The following COL16A1 variants were observed in gnomAD, a reference collection of about 807,000 sequenced individuals.
COL16A1 encodes collagen type XVI alpha 1 chain.
Under a neutral mutation model 266.3 loss-of-function variants are expected in COL16A1, and 189 were observed. The ratio of observed to expected loss-of-function variants is 0.71; its 90% CI spans 0.63 to 0.80. The LOEUF is 0.80. Among genes scored for constraint, COL16A1 ranks in the 30% least tolerant of loss-of-function variants. The pLI is 0.00. For missense variants in COL16A1, 1,928 were observed against 2,122.4 expected (o/e 0.91, Z 1.80); for synonymous variants, 740 against 782.3 (o/e 0.95, Z 0.90).
rs1262169105 is a variant in COL16A1, at chr1:31,664,995, G to A, written c.3555+177C>T. 6.6e-6 allele frequency among the ~76,000 whole-genome samples: 1 copy of A among 152,214 alleles called. No homozygotes were observed. Among genetic ancestry groups the A allele is most frequent in the African/African-American group, 2.4e-5 (1 of 41,454 alleles). ...ATCCCGAGGAGCCCACTGGTCCACT[G>A]CAAGCCCTGTCGGCCTCCAGTAGTC... On this transcript the variant is annotated intron_variant, in intron 56 of 70. Transcript: ENST00000373672. This position sits in a 1 kb window ranked among gnomAD's most constrained non-coding sequence, Gnocchi z 5.5.
In COL16A1 at chr1:31,682,980, G is replaced by C; in HGVS notation, c.2492C>G (p.Ala831Gly). 1 of 1,614,020 alleles carries C rather than the reference G, an allele frequency of 6.2e-7. No individual in the cohort carries two copies. The highest frequency in any genetic ancestry group is 1.3e-5 in the African/African-American group (1 of 75,034). The change falls in exon 37 of 71, where the codon GCC becomes GGC. Residue 831 changes from alanine to glycine, a missense_variant. By Grantham distance (60) the Ala-to-Gly change is moderately conservative. This residue lies in a region of COL16A1 where 1,552 missense variants were observed against 1,637.2 expected (regional missense o/e 0.95). Coordinates refer to ENST00000373672, the MANE Select transcript of COL16A1 (RefSeq NM_001856.4). ...CCCAGGAGGTCCCACAGGTCCGGTG[G>C]CTCCTTTCACCCCTGGAGATCCCTG... ...GAQGSPGVKG[A>G]TGPVGPPGAS...
rs369750765 is a variant in COL16A1, at chr1:31,688,799, G to T, written c.1767+62C>A. 4.6e-5 allele frequency: 70 copies of T among 1,508,082 alleles called. 1 individual carries two copies. The African/African-American group carries it at 6.6e-4, about 14-fold the overall frequency. 93.4% of individuals were successfully genotyped at this position (1,508,082 alleles called of 1,614,324 possible). On this transcript the variant is annotated intron_variant, in intron 25 of 70. Coordinates refer to ENST00000373672, the MANE Select transcript of COL16A1 (RefSeq NM_001856.4). This position sits in a 1 kb window ranked among gnomAD's most constrained non-coding sequence, Gnocchi z 4.9. ...GAGACTTGGGATCTGAAAAGCCAGG[G>T]AGATCAACAGTATGGCAAGGATGGC...
intron 8 of COL16A1, among the ~76,000 whole-genome samples, 168 bp from the exon 9 acceptor site, chr1:31,696,309 C>A (rs1220489381): frequency 6.6e-6 from 1 of 151,886 alleles, no homozygotes; most frequent in Non-Finnish European, 1.5e-5. Flanking sequence ...GCTGCCCCAA[C>A]AGGTCCCCCT....
At position 31,698,538 on chromosome 1, in the gene COL16A1, G is replaced by T. The variant is rs371283383; in HGVS notation, c.335C>A (p.Thr112Asn). The T allele has an allele frequency of 3.7e-6, 6 of 1,614,022 alleles. No homozygotes were observed. The highest frequency in any genetic ancestry group is 5.1e-6 in the Non-Finnish European group (6 of 1,180,038). Reference protein sequence around the residue: ...LVLTLLLKKHTHQKTWYLFQV... With the variant: ...LVLTLLLKKHNHQKTWYLFQV... ...AAACAGATACCACGTCTTCTGGTGGGTGTGTTTCTTCAGCAGTAGTGTCAG... is the reference window on the plus strand; with the variant it reads ...AAACAGATACCACGTCTTCTGGTGGTTGTGTTTCTTCAGCAGTAGTGTCAG... The change falls in exon 5 of 71, where the codon ACC becomes AAC. Residue 112 changes from threonine (T) to asparagine (N), a missense_variant. Thr to Asn is a moderately conservative substitution (Grantham distance 65). Coordinates refer to ENST00000373672, the MANE Select transcript of COL16A1 (RefSeq NM_001856.4). The surrounding 1 kb of genome is among the most constrained non-coding windows in gnomAD (Gnocchi z 4.1).
chr1:31,661,484 A>C (rs757018311), intron 59 of COL16A1, 26 bp from the exon 60 acceptor site: 3 of 1,614,190 alleles, frequency 1.9e-6, no homozygotes, highest in Non-Finnish European at 2.5e-6. Flanking sequence ...GGGAGTTCTC[A>C]TGTCCCTCAT....
chr1:31,681,196 C>T, intron 37 of COL16A1, 129 bp from the exon 38 acceptor site: 1 of 1,324,236 alleles, frequency 7.6e-7, no homozygotes, highest in African/African-American at 1.5e-5. Flanking sequence ...GGCCGAGGGC[C>T]CACGTTCCAG....
intron 64 of COL16A1, 109 bp downstream of exon 64, chr1:31,658,379 G>A (rs1641349735): frequency 4.2e-6 from 4 of 958,054 alleles, no homozygotes; most frequent in African/African-American, 1.7e-5. Flanking sequence ...CTGCCATGCT[G>A]ACAGCCTCTC....
intron 61 of COL16A1, 142 bp from the exon 62 acceptor site, chr1:31,660,780 C>T: frequency 2.3e-6 from 3 of 1,289,798 alleles, no homozygotes; most frequent in Non-Finnish European, 3.2e-6. Context: ...CCTCCAGACC[C>T]AAGTTTCCCG....
intron 42 of COL16A1, among the ~76,000 whole-genome samples, chr1:31,678,269 G>A (rs1167781020): frequency 6.6e-6 from 1 of 152,190 alleles, no homozygotes; most frequent in Non-Finnish European, 1.5e-5. Context: ...AAGCTTCCAT[G>A]TGATGCTGCC....
At chr1:31,686,477 C>T in intron 26 of COL16A1, 198 bp from the exon 27 acceptor site, 1 of 746,586 alleles carries the variant, frequency 1.3e-6, no homozygotes, top group Non-Finnish European at 2.3e-6. Flanking sequence ...TTTCTGCCCC[C>T]AGCTTCACCT....
rs1642517299 is a variant in COL16A1, at chr1:31,670,072, A to C, written c.3195+530T>G. On this transcript the variant is annotated intron_variant, in intron 49 of 70. Transcript: ENST00000373672. The surrounding 1 kb of genome is among the most constrained non-coding windows in gnomAD (Gnocchi z 4.5). Reference sequence around the variant, plus strand: ...TGGGTGCCTCTGGACAGCCCTGCCAAGCAGCAGGGCAGCAAACCTGTGCCA... The same window carrying C: ...TGGGTGCCTCTGGACAGCCCTGCCACGCAGCAGGGCAGCAAACCTGTGCCA... The C allele has an allele frequency of 6.5e-6, 1 of 152,748 alleles. No homozygotes were observed. Among genetic ancestry groups the C allele is most frequent in the Non-Finnish European group, 1.5e-5 (1 of 68,430 alleles). 9.5% of individuals were successfully genotyped at this position (152,748 alleles called of 1,614,324 possible).
At chr1:31,694,772 G>T (rs542363682) in intron 11 of COL16A1, among the ~76,000 whole-genome samples, 14 of 152,328 alleles carry the variant, frequency 9.2e-5, no homozygotes, top group Non-Finnish European at 1.9e-4. Context: ...GAGACAGCAG[G>T]CCCTGAACCA....
At chr1:31,683,608 G>A in intron 34 of COL16A1, 99 bp downstream of exon 34, 3 of 1,606,546 alleles carry the variant, frequency 1.9e-6, no homozygotes, top group Admixed American at 1.7e-5. Flanking sequence ...CTGTGCCTCT[G>A]GGGGCAGGCA....
In COL16A1 at chr1:31,668,363, C is replaced by A; in HGVS notation, c.3250-145G>T. 1 of 856,502 alleles carries A rather than the reference C, an allele frequency of 1.2e-6. No homozygotes were observed. The highest frequency in any genetic ancestry group is 1.9e-6 in the Non-Finnish European group (1 of 533,844). 53.1% of individuals were successfully genotyped at this position (856,502 alleles called of 1,614,324 possible). A position where few individuals can be genotyped will look rare whatever the true frequency, so the allele number is the denominator to read the frequency against. ...CCCAGCATTGCACACTGGGCCATCTCCCCAAGCCCCAGGTCCCCTCGGTCG... is the reference window on the plus strand; with the variant it reads ...CCCAGCATTGCACACTGGGCCATCTACCCAAGCCCCAGGTCCCCTCGGTCG... On this transcript the variant is annotated intron_variant, in intron 50 of 70. Coordinates refer to ENST00000373672, the MANE Select transcript of COL16A1 (RefSeq NM_001856.4). This position sits in a 1 kb window ranked among gnomAD's most constrained non-coding sequence, Gnocchi z 5.8.
Position 31,670,666 on chromosome 1 carries a change from G to A in COL16A1, c.3151-20C>T, listed in dbSNP as rs1248607591. 1 of 1,434,746 alleles carries A rather than the reference G, an allele frequency of 7.0e-7. No homozygotes were observed. Among genetic ancestry groups the A allele is most frequent in the South Asian group, 1.5e-5 (1 of 64,614 alleles). 88.9% of individuals were successfully genotyped at this position (1,434,746 alleles called of 1,614,324 possible). A position where few individuals can be genotyped will look rare whatever the true frequency, so the allele number is the denominator to read the frequency against. On this transcript the variant is annotated intron_variant, in intron 48 of 70. Transcript: ENST00000373672. This position sits in a 1 kb window ranked among gnomAD's most constrained non-coding sequence, Gnocchi z 4.5. ...GGGGCCCTGGTGGGAGAAACAGGCA[G>A]GTCACATCTCACAGGCACAGTAACC... is the stretch of plus-strand genomic sequence containing the variant.
intron 1 of COL16A1, among the ~76,000 whole-genome samples, chr1:31,703,194 G>A (rs1029680106): frequency 6.6e-6 from 1 of 152,208 alleles, no homozygotes; most frequent in Non-Finnish European, 1.5e-5. Flanking sequence ...CATGCGCACA[G>A]CCAGCCTATG....
At chr1:31,674,972 G>A (rs1464751595) in intron 44 of COL16A1, 35 bp downstream of exon 44, 4 of 1,607,558 alleles carry the variant, frequency 2.5e-6, no homozygotes, top group Non-Finnish European at 3.4e-6. Context: ...AGACACCCCC[G>A]CCAGCTCACA....
intron 33 of COL16A1, 43 bp downstream of exon 33, chr1:31,683,907 C>T (rs370488772): frequency 1.2e-6 from 2 of 1,613,320 alleles, no homozygotes; most frequent in Non-Finnish European, 1.7e-6. Context: ...CCCACCCCTG[C>T]CCTCACGTAG....
chr1:31,688,828 A>ACTGGG lies in COL16A1; in HGVS notation c.1767+28_1767+32dup, dbSNP rs747659576. The ACTGGG allele has an allele frequency of 6.3e-7, 1 of 1,591,854 alleles. No homozygotes were observed. The highest frequency in any genetic ancestry group is 8.6e-7 in the Non-Finnish European group (1 of 1,165,962). On this transcript the variant is annotated intron_variant, in intron 25 of 70. Transcript: ENST00000373672. This position sits in a 1 kb window ranked among gnomAD's most constrained non-coding sequence, Gnocchi z 4.9. The stretch of plus-strand genomic sequence containing the variant: ...TCAACAGTATGGCAAGGATGGCTGA[A>ACTGGG]CTGGGCTGGGCTGGGAGAAAGTCGT...
Sources: allele counts gnomAD v4.1 joint callset (sites outside exome capture counted in the v4.1 genomes callset), GRCh38; gene constraint gnomAD v4.1.1; regional missense constraint gnomAD v4.1.1; non-coding constraint Gnocchi (gnomAD v3.1); transcripts MANE v1.5; gene names NCBI Gene and HGNC (gene_info 2026-07-23, HGNC 2026-07-21).